The following CCNY variants were observed in gnomAD, a reference collection of about 807,000 sequenced individuals.
CCNY encodes the protein cyclin-Y.
CCNY carries 19 observed loss-of-function variants against 42.8 expected under a neutral mutation model. That is an observed-to-expected ratio of 0.44 (90% CI 0.31 to 0.65). CCNY has a LOEUF of 0.65. CCNY is among the 30% of genes least tolerant of loss of function. CCNY has a pLI of 0.07. For synonymous variants in CCNY, 165 were observed against 162.7 expected (o/e 1.01, Z -0.11); for missense variants, 370 against 437.3 (o/e 0.85, Z 1.37).
intron 1 of CCNY, among the ~76,000 whole-genome samples, chr10:35,342,321 A>G (rs1441658669): frequency 6.6e-6 from 1 of 152,248 alleles, no homozygotes; most frequent in Non-Finnish European, 1.5e-5. Flanking sequence ...CCTGGTGGGC[A>G]GAACATACCG....
chr10:35,406,204 T>A (rs1405192639), intron 1 of CCNY, among the ~76,000 whole-genome samples: 2 of 117,412 alleles, frequency 1.7e-5, no homozygotes, highest in African/African-American at 3.8e-5. Flanking sequence ...TTTTTTATTT[T>A]ATTTATTTAT....
At chr10:35,516,424 T>C (rs567612339) in intron 3 of CCNY, 99 bp from the exon 4 acceptor site, 39 of 765,272 alleles carry the variant, frequency 5.1e-5, no homozygotes, top group African/African-American at 4.2e-4. Context: ...AAGACATTTT[T>C]CCTCTGTGGT....
At chr10:35,278,801 A>G (rs1168573878) in intron 3 of CCNY, among the ~76,000 whole-genome samples, 2 of 152,076 alleles carry the variant, frequency 1.3e-5, no homozygotes, top group African/African-American at 4.8e-5. Flanking sequence ...GCAGCTGTGA[A>G]CCTTCCCTGC....
chr10:35,471,550 A>G (rs987604339), intron 1 of CCNY, among the ~76,000 whole-genome samples: 1 of 152,218 alleles, frequency 6.6e-6, no homozygotes, highest in Admixed American at 6.5e-5. Flanking sequence ...GTTGACCAGT[A>G]TAAGAGAATA....
chr10:35,473,005 A>G (rs1273068828), intron 1 of CCNY, among the ~76,000 whole-genome samples: 1 of 152,230 alleles, frequency 6.6e-6, no homozygotes, highest in African/African-American at 2.4e-5. Flanking sequence ...AGGAAAAAAA[A>G]AGCAATATTT....
chr10:35,262,352 T>TATTTC (rs1200066512), intron 3 of CCNY, among the ~76,000 whole-genome samples: 1 of 148,674 alleles, frequency 6.7e-6, no homozygotes, highest in Non-Finnish European at 1.5e-5. Flanking sequence ...TATTTTATTT[T>TATTTC]ATTTTATTTT....
intron 1 of CCNY, among the ~76,000 whole-genome samples, chr10:35,452,685 A>G (rs1168634983): frequency 6.6e-6 from 1 of 151,792 alleles, no homozygotes; most frequent in African/African-American, 2.4e-5. Flanking sequence ...ATGTGTCAGT[A>G]TACTTAAAAG....
intron 1 of CCNY, among the ~76,000 whole-genome samples, chr10:35,414,676 G>T (rs959506892): frequency 6.6e-6 from 1 of 152,210 alleles, no homozygotes; most frequent in Non-Finnish European, 1.5e-5. Flanking sequence ...TCTTGTAATC[G>T]TGAGACTTTT....
chr10:35,468,104 T>C (rs769878823), intron 1 of CCNY, among the ~76,000 whole-genome samples: 5 of 152,366 alleles, frequency 3.3e-5, no homozygotes, highest in Non-Finnish European at 7.4e-5. Context: ...AGGAAGCTGG[T>C]AGATTCAAGA....
At chr10:35,464,158 G>A (rs554250023) in intron 1 of CCNY, among the ~76,000 whole-genome samples, 14 of 152,248 alleles carry the variant, frequency 9.2e-5, no homozygotes, top group South Asian at 2.1e-4. Context: ...CATATCCACC[G>A]CCGAACTGGG....
At chr10:35,411,920 A>G (rs1403350364) in intron 1 of CCNY, among the ~76,000 whole-genome samples, 1 of 152,258 alleles carries the variant, frequency 6.6e-6, no homozygotes, top group Non-Finnish European at 1.5e-5. Flanking sequence ...GCTTTTCCTA[A>G]CAAGCCTTAA....
rs949864124 is a variant in CCNY, at chr10:35,529,982, T to A, written c.411T>A (p.Asp137Glu). 2 of 1,613,716 alleles carry A rather than the reference T, an allele frequency of 1.2e-6. No homozygotes were observed. The highest frequency in any genetic ancestry group is 1.7e-6 in the Non-Finnish European group (2 of 1,179,734). ...IYYHIKNRDP[D>E]GRMLLDIFDE... is the part of the protein sequence containing the mutation. ...TTATTTTCCCTACCAGGGACCCAGA[T>A]GGAAGGATGCTCTTAGATATTTTTG... The change falls in exon 6 of 10, where the codon GAT (aspartate) becomes GAA (glutamate). Residue 137 changes from aspartate (D) to glutamate (E), a missense_variant. By Grantham distance (45) the Asp-to-Glu change is conservative. Around this residue, in one of 2 missense-constraint regions of CCNY, gnomAD observed 234 missense variants for 313.1 expected, o/e 0.75. Transcript: ENST00000374704.
intron 2 of CCNY, among the ~76,000 whole-genome samples, chr10:35,492,988 G>A (rs1235233815): frequency 6.6e-6 from 1 of 152,004 alleles, no homozygotes; most frequent in East Asian, 1.9e-4. Context: ...TTCTCTTGAG[G>A]TGCATGGGGG....
intron 2 of CCNY, among the ~76,000 whole-genome samples, chr10:35,487,308 A>G (rs963498428): frequency 6.6e-6 from 1 of 152,058 alleles, no homozygotes. Context: ...TCAGGTTAAT[A>G]TACTTTGACA....
At chr10:35,367,148 CT>C (rs920144832) in intron 1 of CCNY, among the ~76,000 whole-genome samples, 1 of 152,098 alleles carries the variant, frequency 6.6e-6, no homozygotes, top group African/African-American at 2.4e-5. Flanking sequence ...TTAAAACCTG[CT>C]TTTTTTACAT....
rs199805516 is a variant in CCNY at position 35,292,787 on chromosome 10, T to G, written c.-9+42161T>G. 2.0e-3 allele frequency among the ~76,000 whole-genome samples: 293 copies of G among 147,372 alleles called. 4 individuals are homozygous for G. In the East Asian group the frequency reaches 0.033, roughly 17 times the overall value. The stretch of plus-strand genomic sequence containing the variant: ...GTAAGAGTGCTTTGTTTTTGTTTTT[T>G]TTTTTTTTTTTTTTGGAGACGAAGT... On this transcript the variant is annotated intron_variant, in intron 3 of 11. Coordinates refer to the CCNY transcript ENST00000374706.
intron 1 of CCNY, among the ~76,000 whole-genome samples, chr10:35,470,380 G>C (rs1216588490): frequency 6.6e-6 from 1 of 152,184 alleles, no homozygotes; most frequent in Non-Finnish European, 1.5e-5. Context: ...CTGAGGGCTG[G>C]ATGTGTGTGC....
At chr10:35,384,570 C>T (rs1477218694) in intron 1 of CCNY, among the ~76,000 whole-genome samples, 1 of 152,136 alleles carries the variant, frequency 6.6e-6, no homozygotes, top group Non-Finnish European at 1.5e-5. Flanking sequence ...ATTGGAGTCC[C>T]AAGTTTTTGT....
chr10:35,402,305 C>T (rs1273686623), intron 1 of CCNY, among the ~76,000 whole-genome samples: 1 of 152,086 alleles, frequency 6.6e-6, no homozygotes, highest in Non-Finnish European at 1.5e-5. Context: ...ACGGAAGACA[C>T]AAGGTCCGAA....
Sources: allele counts gnomAD v4.1 joint callset (sites outside exome capture counted in the v4.1 genomes callset), GRCh38; gene constraint gnomAD v4.1.1; regional missense constraint gnomAD v4.1.1; transcripts MANE v1.5; gene names NCBI Gene and HGNC (gene_info 2026-07-23, HGNC 2026-07-21).